Variants in CREB3L1 observed in about 807,000 individuals in gnomAD.
The protein encoded by CREB3L1 is cAMP responsive element binding protein 3 like 1.
A neutral mutation model predicts 54.5 loss-of-function variants in CREB3L1; 33 were observed. That is an observed-to-expected ratio of 0.61 (90% CI 0.46 to 0.81). The LOEUF is 0.81. Ranked by LOEUF, CREB3L1 falls within the 30% of genes least tolerant of loss-of-function variation. The pLI is 0.00. For synonymous variants in CREB3L1, 284 were observed against 286.4 expected (o/e 0.99, Z 0.08); for missense variants, 656 against 673.3 (o/e 0.97, Z 0.29).
chr11:46,301,714 T>C (rs1939306330), intron 2 of CREB3L1, among the ~76,000 whole-genome samples: 1 of 150,596 alleles, frequency 6.6e-6, no homozygotes. Flanking sequence ...ATCCCAGCAC[T>C]TTAGGAGGCT....
chr11:46,319,946 A>G (rs1382012306), intron 10 of CREB3L1, among the ~76,000 whole-genome samples: 1 of 151,892 alleles, frequency 6.6e-6, no homozygotes, highest in Non-Finnish European at 1.5e-5. Flanking sequence ...CAGATGCCCA[A>G]ACTCAGTACC....
At chr11:46,299,777 T>C (rs923158056) in intron 1 of CREB3L1, among the ~76,000 whole-genome samples, 158 bp from the exon 2 acceptor site, 8 of 151,860 alleles carry the variant, frequency 5.3e-5, no homozygotes, top group African/African-American at 1.9e-4. Context: ...ACTGGGGAGA[T>C]TGGTGATGTT....
intron 4 of CREB3L1, 102 bp downstream of exon 4, chr11:46,310,169 C>A: frequency 1.2e-6 from 1 of 834,016 alleles, no homozygotes; most frequent in Non-Finnish European, 2.0e-6. Context: ...ACAACCTTCC[C>A]CCACCCAGAA....
chr11:46,309,955 G>T (rs1255765141), intron 3 of CREB3L1, 34 bp from the exon 4 acceptor site: 3 of 1,546,080 alleles, frequency 1.9e-6, no homozygotes, highest in Non-Finnish European at 2.6e-6. Flanking sequence ...AGACCCAGGG[G>T]CAGCTAATGG....
At chr11:46,308,113 G>A in intron 3 of CREB3L1, 113 bp downstream of exon 3, 1 of 1,033,766 alleles carries the variant, frequency 9.7e-7, no homozygotes, top group East Asian at 2.8e-5. Flanking sequence ...GAAGACATGA[G>A]CCTCAGGGCT....
At chr11:46,299,899 T>A in intron 1 of CREB3L1, 36 bp from the exon 2 acceptor site, 1 of 1,538,860 alleles carries the variant, frequency 6.5e-7, no homozygotes, top group Non-Finnish European at 9.0e-7. Flanking sequence ...CAAGCAAAGC[T>A]GAATTCCCTC....
chr11:46,320,924 C>G lies in CREB3L1; in HGVS notation c.*178C>G, dbSNP rs1421594089. Reference sequence around the variant, plus strand: ...ATTTGGACTCTTCCCTTGGGCCGACCACTCTGTTCTCATTCTCCTTCCCAC... The same window carrying G: ...ATTTGGACTCTTCCCTTGGGCCGACGACTCTGTTCTCATTCTCCTTCCCAC... On this transcript the variant is annotated 3_prime_UTR_variant, in exon 12 of 12. Coordinates refer to ENST00000621158, the MANE Select transcript of CREB3L1 (RefSeq NM_052854.4). 1 of 735,098 alleles carries G rather than the reference C, an allele frequency of 1.4e-6. No homozygotes were observed. The highest frequency in any genetic ancestry group is 2.4e-6 in the Non-Finnish European group (1 of 412,118). The allele number at this position is 735,098 out of a possible 1,614,324, so 45.5% of individuals were successfully genotyped here.
intron 9 of CREB3L1, among the ~76,000 whole-genome samples, 151 bp downstream of exon 9, chr11:46,316,536 G>A (rs1459004073): frequency 4.6e-5 from 7 of 152,164 alleles, no homozygotes; most frequent in African/African-American, 1.7e-4. Flanking sequence ...GCTGGTTCTA[G>A]CAGACTCCAG....
intron 5 of CREB3L1, among the ~76,000 whole-genome samples, chr11:46,312,018 G>A (rs1939494194): frequency 6.6e-6 from 1 of 152,162 alleles, no homozygotes; most frequent in African/African-American, 2.4e-5. Context: ...ATTGTAGGGA[G>A]GGGTCTGAGG....
intron 1 of CREB3L1, among the ~76,000 whole-genome samples, chr11:46,290,152 C>G (rs1011896734): frequency 6.6e-6 from 1 of 152,134 alleles, no homozygotes; most frequent in Non-Finnish European, 1.5e-5. Flanking sequence ...CTAGGCTGGC[C>G]TGGGGAGGCC....
intron 2 of CREB3L1, among the ~76,000 whole-genome samples, chr11:46,300,597 G>T (rs1432832961): frequency 6.6e-6 from 1 of 152,202 alleles, no homozygotes; most frequent in African/African-American, 2.4e-5. Context: ...GGCCGGGTGT[G>T]GTGGCTCACG....
chr11:46,304,020 T>A (rs1939339148), intron 2 of CREB3L1, among the ~76,000 whole-genome samples: 1 of 151,952 alleles, frequency 6.6e-6, no homozygotes, highest in African/African-American at 2.4e-5. Flanking sequence ...AGAAAAAAAA[T>A]AAAACAGAAA....
chr11:46,287,282 C>T (rs748286482), intron 1 of CREB3L1, among the ~76,000 whole-genome samples: 5 of 152,110 alleles, frequency 3.3e-5, no homozygotes, highest in Non-Finnish European at 7.3e-5. Flanking sequence ...GTTGCCACTG[C>T]TGTTTTTATT....
intron 1 of CREB3L1, among the ~76,000 whole-genome samples, chr11:46,281,632 G>A (rs1056871234): frequency 6.6e-6 from 1 of 152,228 alleles, no homozygotes; most frequent in Non-Finnish European, 1.5e-5. Context: ...CGGGGAGGCG[G>A]TGGGGGCTAA....
chr11:46,306,879 C>CTTT (rs557941973), intron 2 of CREB3L1, among the ~76,000 whole-genome samples: 1 of 141,530 alleles, frequency 7.1e-6, no homozygotes, highest in African/African-American at 2.6e-5. Context: ...AATTCTCTCT[C>CTTT]TTTTTTTTTT....
chr11:46,315,401 G>A (rs568405950), intron 8 of CREB3L1: 2 of 216,086 alleles, frequency 9.3e-6, no homozygotes, highest in East Asian at 6.8e-5. Context: ...TGTGCTGAAC[G>A]CATTCTGTAT....
intron 10 of CREB3L1, 25 bp from the exon 11 acceptor site, chr11:46,320,239 C>A: frequency 1.9e-6 from 3 of 1,558,194 alleles, no homozygotes; most frequent in Non-Finnish European, 2.6e-6. Flanking sequence ...TTGGGCACAC[C>A]GCTCATCCTA....
At chr11:46,319,402 G>A (rs950281581) in intron 10 of CREB3L1, among the ~76,000 whole-genome samples, 3 of 152,150 alleles carry the variant, frequency 2.0e-5, no homozygotes, top group African/African-American at 4.8e-5. Flanking sequence ...TCTGGGAAGC[G>A]GGGCTAAAGA....
intron 1 of CREB3L1, among the ~76,000 whole-genome samples, chr11:46,288,342 A>G (rs1032897519): frequency 2.6e-5 from 4 of 152,182 alleles, no homozygotes; most frequent in Non-Finnish European, 4.4e-5. Flanking sequence ...TCAGTCTCCC[A>G]AAGTGCTGGG....
Sources: allele counts gnomAD v4.1 joint callset (sites outside exome capture counted in the v4.1 genomes callset), GRCh38; gene constraint gnomAD v4.1.1; transcripts MANE v1.5; gene names NCBI Gene and HGNC (gene_info 2026-07-23, HGNC 2026-07-21).